RAB31: variants seen among roughly 807,000 people sequenced by gnomAD.
RAB31 encodes RAB31, member RAS oncogene family.
A neutral mutation model predicts 25.6 loss-of-function variants in RAB31; 21 were observed. The ratio of observed to expected loss-of-function variants is 0.82; its 90% CI spans 0.58 to 1.18. RAB31 has a LOEUF of 1.18. Among genes scored for constraint, RAB31 ranks in the 50% most tolerant of loss-of-function variants. The pLI, the probability that RAB31 is intolerant of heterozygous loss-of-function variation, is 0.00. For missense variants in RAB31, 196 were observed against 250.1 expected (o/e 0.78, Z 1.46); for synonymous variants, 87 against 84.0 (o/e 1.04, Z -0.20).
In RAB31 at chr18:9,708,873, C is replaced by T. The variant is rs2068000800; in HGVS notation, c.39+429C>T. Among the ~76,000 whole-genome samples the T allele has an allele frequency of 1.3e-5, 2 of 152,340 alleles. No homozygotes were observed. The highest frequency in any genetic ancestry group is 2.1e-4 in the South Asian group (1 of 4,834). On this transcript the variant is annotated intron_variant, in intron 1 of 6. Coordinates refer to ENST00000578921, the MANE Select transcript of RAB31 (RefSeq NM_006868.4). This position sits in a 1 kb window ranked among gnomAD's most constrained non-coding sequence, Gnocchi z 6.4. Reference sequence around the variant, plus strand: ...CTGGGGCCCCGAGGGCTTTCTCCTCCGCTTTTGATAGTTTCCTTCCGGCAG... The same window carrying T: ...CTGGGGCCCCGAGGGCTTTCTCCTCTGCTTTTGATAGTTTCCTTCCGGCAG...
intron 1 of RAB31, among the ~76,000 whole-genome samples, chr18:9,759,292 T>C (rs2068275613): frequency 6.6e-6 from 1 of 152,052 alleles, no homozygotes; most frequent in Non-Finnish European, 1.5e-5. Context: ...TGTCTCAGCC[T>C]CCCATGTACC....
At chr18:9,747,198 A>G (rs969414692) in intron 1 of RAB31, among the ~76,000 whole-genome samples, 1 of 152,234 alleles carries the variant, frequency 6.6e-6, no homozygotes, top group African/African-American at 2.4e-5. Flanking sequence ...TGCAGATTAA[A>G]ACCACAGTAA....
At chr18:9,742,376 C>T (rs971947414) in intron 1 of RAB31, among the ~76,000 whole-genome samples, 4 of 152,158 alleles carry the variant, frequency 2.6e-5, no homozygotes, top group East Asian at 1.9e-4. Context: ...GCGGATGGTC[C>T]GGAAGAGCAA....
intron 1 of RAB31, among the ~76,000 whole-genome samples, chr18:9,724,300 A>G (rs1191159144): frequency 2.7e-5 from 4 of 148,976 alleles, no homozygotes; most frequent in Non-Finnish European, 4.5e-5. Context: ...AAAAAAAAAC[A>G]TTATTATTGA....
intron 5 of RAB31, among the ~76,000 whole-genome samples, chr18:9,840,606 C>T (rs181037290): frequency 6.6e-6 from 1 of 152,316 alleles, no homozygotes; most frequent in Non-Finnish European, 1.5e-5. Flanking sequence ...ACCATTTGTT[C>T]CGACAGCAAT....
chr18:9,853,032 G>C (rs1294957126), intron 6 of RAB31, among the ~76,000 whole-genome samples: 1 of 152,128 alleles, frequency 6.6e-6, no homozygotes, highest in Admixed American at 6.6e-5. Flanking sequence ...GTATAACTTG[G>C]TGAAGAGCCT....
chr18:9,756,627 T>C (rs989051078), intron 1 of RAB31, among the ~76,000 whole-genome samples: 8 of 152,236 alleles, frequency 5.3e-5, no homozygotes, highest in African/African-American at 1.9e-4. Flanking sequence ...GTCTGCTCTA[T>C]AGAAGTGAGC....
intron 1 of RAB31, among the ~76,000 whole-genome samples, chr18:9,758,971 G>A (rs779481073): frequency 6.6e-6 from 1 of 152,068 alleles, no homozygotes; most frequent in Non-Finnish European, 1.5e-5. Flanking sequence ...CAGGAAGTAG[G>A]GCAGTAGAAG....
chr18:9,743,203 G>A (rs138071335), intron 1 of RAB31, among the ~76,000 whole-genome samples: 1 of 152,140 alleles, frequency 6.6e-6, no homozygotes, highest in African/African-American at 2.4e-5. Flanking sequence ...TATTTCTTCA[G>A]TTCTGTCTGG....
At chr18:9,796,111 C>A (rs1213807754) in intron 3 of RAB31, among the ~76,000 whole-genome samples, 3 of 152,098 alleles carry the variant, frequency 2.0e-5, no homozygotes, top group Non-Finnish European at 2.9e-5. Flanking sequence ...CAATTGGAGA[C>A]CATTATTCTA....
intron 6 of RAB31, chr18:9,856,499 T>C (rs552986550): frequency 2.6e-5 from 4 of 152,300 alleles, no homozygotes; most frequent in Admixed American, 2.0e-4. Flanking sequence ...AAAAAACTTA[T>C]GAAAACAAGA....
At chr18:9,780,489 T>C (rs2068397508) in intron 2 of RAB31, among the ~76,000 whole-genome samples, 1 of 152,234 alleles carries the variant, frequency 6.6e-6, no homozygotes. Flanking sequence ...CTTCCAGCCC[T>C]TTTCTTGTAT....
At chr18:9,857,348 G>T (rs1333150489) in intron 6 of RAB31, among the ~76,000 whole-genome samples, 2 of 152,000 alleles carry the variant, frequency 1.3e-5, no homozygotes, top group African/African-American at 4.8e-5. Context: ...GGGTGTTTTG[G>T]TGCTCTATAT....
chr18:9,736,796 G>T (rs886834424), intron 1 of RAB31, among the ~76,000 whole-genome samples: 3 of 152,118 alleles, frequency 2.0e-5, no homozygotes, highest in African/African-American at 7.2e-5. Context: ...TAAATTTTGT[G>T]TAATTCGTAT....
chr18:9,726,478 G>C (rs2068096698), intron 1 of RAB31, among the ~76,000 whole-genome samples: 1 of 152,190 alleles, frequency 6.6e-6, no homozygotes, highest in Admixed American at 6.5e-5. Flanking sequence ...AGTTTGCGTA[G>C]ATAATGCCTC....
At chr18:9,857,887 G>A (rs1366608712) in intron 6 of RAB31, among the ~76,000 whole-genome samples, 2 of 151,846 alleles carry the variant, frequency 1.3e-5, no homozygotes. Context: ...AAATTTATCG[G>A]GGCATGGTGG....
intron 6 of RAB31, among the ~76,000 whole-genome samples, chr18:9,846,157 A>T (rs2068760777): frequency 6.6e-6 from 1 of 152,164 alleles, no homozygotes; most frequent in Non-Finnish European, 1.5e-5. Context: ...TGGGAATTGG[A>T]TACAGGGTTG....
intron 2 of RAB31, among the ~76,000 whole-genome samples, chr18:9,778,440 G>T (rs2068384769): frequency 6.6e-6 from 1 of 152,136 alleles, no homozygotes; most frequent in Admixed American, 6.5e-5. Context: ...TGAGCCCCGA[G>T]TGGTTGAAAA....
At chr18:9,857,099 A>T (rs574843943) in intron 6 of RAB31, among the ~76,000 whole-genome samples, 1 of 152,334 alleles carries the variant, frequency 6.6e-6, no homozygotes, top group Admixed American at 6.5e-5. Flanking sequence ...AGCTCTGTAG[A>T]TCTCTGTTGG....
Sources: gnomAD v4.1 joint callset for allele counts (sites outside exome capture counted in the v4.1 genomes callset) on GRCh38, gnomAD v4.1.1 for gene constraint, Gnocchi (gnomAD v3.1) non-coding constraint, MANE v1.5 for transcripts, NCBI Gene and HGNC (gene_info 2026-07-23, HGNC 2026-07-21) for gene names.